The following NHERF1 variants were observed in gnomAD, a reference collection of about 807,000 sequenced individuals.
NHERF1 encodes the protein NHERF family PDZ scaffold protein 1, also known as Na(+)/H(+) exchange regulatory cofactor NHE-RF1.
At chr17:74,749,602 G>T in the NHERF1 span, among the ~76,000 whole-genome samples, 2 of 152,166 alleles carry the variant, frequency 1.3e-5, no homozygotes, top group Admixed American at 6.5e-5. This position sits in a 1 kb window ranked among gnomAD's most constrained non-coding sequence, Gnocchi z 5.6. Context: ...GTCTGTGGGT[G>T]TCTGCTCCCG....
the NHERF1 span, among the ~76,000 whole-genome samples, chr17:74,763,713 T>A: frequency 6.6e-6 from 1 of 152,088 alleles, no homozygotes; most frequent in Non-Finnish European, 1.5e-5. Context: ...GGAGTGGCAG[T>A]GGGTTTCTGA....
the NHERF1 span, chr17:74,763,217 T>C: frequency 2.9e-6 from 2 of 680,184 alleles, no homozygotes; most frequent in Non-Finnish European, 5.0e-6. Flanking sequence ...TTCAGGACTC[T>C]GCAGAAATGG....
At chr17:74,749,082 T>A in the NHERF1 span, 1 of 1,589,772 alleles carries the variant, frequency 6.3e-7, no homozygotes, top group East Asian at 2.3e-5. This position sits in a 1 kb window ranked among gnomAD's most constrained non-coding sequence, Gnocchi z 5.6. Context: ...GTGAGCCGCA[T>A]CCGCGCCGCA....
the NHERF1 span, among the ~76,000 whole-genome samples, chr17:74,754,691 C>G: frequency 6.6e-6 from 1 of 152,124 alleles, no homozygotes; most frequent in Non-Finnish European, 1.5e-5. Flanking sequence ...ATTGGCCAGG[C>G]TGGTTTCAAA....
the NHERF1 span, among the ~76,000 whole-genome samples, chr17:74,750,722 CTTTTTTTTT>C: frequency 7.6e-6 from 1 of 131,212 alleles, no homozygotes; most frequent in East Asian, 2.2e-4. Flanking sequence ...ATTTGACATT[CTTTTTTTTT>C]TTTTTTTTTG....
At chr17:74,766,187 T>TTTTTG in the NHERF1 span, among the ~76,000 whole-genome samples, 1,708 of 152,042 alleles carry the variant, frequency 0.011, 32 homozygotes, top group African/African-American at 0.037. Context: ...TGGTTTGTTT[T>TTTTTG]TTTTGTTTTG....
At chr17:74,748,904 G>A in the NHERF1 span, 1 of 1,599,994 alleles carries the variant, frequency 6.3e-7, no homozygotes, top group East Asian at 2.2e-5. The surrounding 1 kb of genome is among the most constrained non-coding windows in gnomAD (Gnocchi z 4.3). Context: ...CCTGGAGAAG[G>A]GTCCGAACGG....
the NHERF1 span, among the ~76,000 whole-genome samples, chr17:74,755,947 A>G: frequency 4.0e-5 from 6 of 148,294 alleles, no homozygotes; most frequent in African/African-American, 7.5e-5. Context: ...CAATTCTACT[A>G]TTTTTCCTGT....
the NHERF1 span, chr17:74,748,961 A>C: frequency 1.2e-6 from 2 of 1,606,920 alleles, no homozygotes; most frequent in South Asian, 2.2e-5. The surrounding 1 kb of genome is among the most constrained non-coding windows in gnomAD (Gnocchi z 4.3). Flanking sequence ...GGGCCAGTAC[A>C]TCCGGCTGGT....
the NHERF1 span, among the ~76,000 whole-genome samples, chr17:74,758,281 G>T: frequency 6.6e-6 from 1 of 152,244 alleles, no homozygotes; most frequent in Admixed American, 6.5e-5. The surrounding 1 kb of genome is among the most constrained non-coding windows in gnomAD (Gnocchi z 4.3). Flanking sequence ...CACTTAGGGC[G>T]CGGTGAAGCT....
chr17:74,758,843 C>G, the NHERF1 span, among the ~76,000 whole-genome samples: 457 of 152,284 alleles, frequency 3.0e-3, 4 homozygotes, highest in African/African-American at 0.01. This position sits in a 1 kb window ranked among gnomAD's most constrained non-coding sequence, Gnocchi z 4.3. Context: ...TCCCCATCTT[C>G]TCCTCTCAGT....
At chr17:74,749,948 G>C in the NHERF1 span, among the ~76,000 whole-genome samples, 1 of 152,224 alleles carries the variant, frequency 6.6e-6, no homozygotes, top group African/African-American at 2.4e-5. The surrounding 1 kb of genome is among the most constrained non-coding windows in gnomAD (Gnocchi z 5.6). Flanking sequence ...AAGGCATCTC[G>C]GAGTGGTGGT....
At chr17:74,749,140 G>A in the NHERF1 span, 1 of 1,560,300 alleles carries the variant, frequency 6.4e-7, no homozygotes, top group Non-Finnish European at 8.6e-7. The surrounding 1 kb of genome is among the most constrained non-coding windows in gnomAD (Gnocchi z 5.6). Flanking sequence ...CGGACGAGCA[G>A]CTGCAGAAGC....
chr17:74,767,024 T>A, the NHERF1 span: 1 of 1,565,824 alleles, frequency 6.4e-7, no homozygotes, highest in East Asian at 2.2e-5. Flanking sequence ...TTGGGGTGCA[T>A]GAGACAGATC....
chr17:74,753,751 A>C, the NHERF1 span, among the ~76,000 whole-genome samples: 1 of 146,630 alleles, frequency 6.8e-6, no homozygotes, highest in South Asian at 2.3e-4. Flanking sequence ...AGGGGGGTGA[A>C]TGGGGGCTTC....
At chr17:74,759,790 C>T in the NHERF1 span, among the ~76,000 whole-genome samples, 1 of 152,236 alleles carries the variant, frequency 6.6e-6, no homozygotes, top group African/African-American at 2.4e-5. Context: ...TTAAGGAGCA[C>T]CCTGCAGTGT....
chr17:74,755,456 C>T, the NHERF1 span, among the ~76,000 whole-genome samples: 1 of 152,166 alleles, frequency 6.6e-6, no homozygotes, highest in Admixed American at 6.5e-5. Flanking sequence ...GACAACTCAC[C>T]ATGTCCCCAG....
the NHERF1 span, among the ~76,000 whole-genome samples, chr17:74,754,200 G>C: frequency 1.3e-5 from 2 of 151,896 alleles, no homozygotes; most frequent in African/African-American, 4.8e-5. Context: ...CTCAGCCGAG[G>C]TCTTGTTGGT....
At chr17:74,764,692 G>A in the NHERF1 span, among the ~76,000 whole-genome samples, 9 of 152,140 alleles carry the variant, frequency 5.9e-5, no homozygotes, top group African/African-American at 2.2e-4. This position sits in a 1 kb window ranked among gnomAD's most constrained non-coding sequence, Gnocchi z 4.9. Flanking sequence ...CCTGTCTCTC[G>A]GGCTAGAGGG....
Sources: gnomAD v4.1 joint callset for allele counts (sites outside exome capture counted in the v4.1 genomes callset) on GRCh38, gnomAD v4.1.1 for gene constraint, Gnocchi (gnomAD v3.1) non-coding constraint, MANE v1.5 for transcripts, NCBI Gene and HGNC (gene_info 2026-07-23, HGNC 2026-07-21) for gene names.